Variants in ARHGEF18 observed in about 807,000 individuals in gnomAD.
The protein encoded by ARHGEF18 is Rho/Rac guanine nucleotide exchange factor 18.
A neutral mutation model predicts 155.7 loss-of-function variants in ARHGEF18; 93 were observed. The observed-to-expected ratio is 0.60, with a 90% CI of 0.50 to 0.71. ARHGEF18 has a LOEUF of 0.71. ARHGEF18 is among the 30% of genes least tolerant of loss of function. The probability of loss-of-function intolerance (pLI) is 0.00; values close to 1 mark genes in which losing one functional copy is unlikely to be tolerated. For synonymous variants in ARHGEF18, 742 were observed against 753.1 expected, an observed-to-expected ratio of 0.99 and a Z score of 0.24; for missense variants, 1,593 against 1,816.1, an observed-to-expected ratio of 0.88 and a Z score of 2.23.
intron 13 of ARHGEF18, among the ~76,000 whole-genome samples, 158 bp downstream of exon 13, chr19:7,442,210 T>C (rs1974703744): frequency 6.6e-6 from 1 of 151,582 alleles, no homozygotes; most frequent in South Asian, 2.1e-4. Context: ...TCCTTCTCTC[T>C]TTTGTCCTCT....
At chr19:7,387,276 C>T (rs1276622606) in intron 10 of ARHGEF18, among the ~76,000 whole-genome samples, 2 of 152,036 alleles carry the variant, frequency 1.3e-5, no homozygotes, top group African/African-American at 4.8e-5. Context: ...CCTCAGCCTT[C>T]CAAGTAGCTG....
intron 10 of ARHGEF18, among the ~76,000 whole-genome samples, chr19:7,418,928 G>C (rs1973166733): frequency 6.6e-6 from 1 of 151,902 alleles, no homozygotes; most frequent in African/African-American, 2.4e-5. Flanking sequence ...ACCAGGGAAT[G>C]GAAGGGCCTC....
chr19:7,366,222 C>T (rs563433517), intron 2 of ARHGEF18, among the ~76,000 whole-genome samples: 2 of 152,244 alleles, frequency 1.3e-5, no homozygotes, highest in Non-Finnish European at 2.9e-5. Flanking sequence ...GCTGGGATTA[C>T]AGGCGTGAGC....
At chr19:7,378,942 C>T (rs1353168161) in intron 6 of ARHGEF18, among the ~76,000 whole-genome samples, 180 bp from the exon 7 acceptor site, 1 of 152,052 alleles carries the variant, frequency 6.6e-6, no homozygotes, top group East Asian at 1.9e-4. Flanking sequence ...ATCCGCCCAC[C>T]TTGGCCTCCC....
chr19:7,458,088 A>C (rs968763972), intron 18 of ARHGEF18, among the ~76,000 whole-genome samples: 4 of 151,984 alleles, frequency 2.6e-5, no homozygotes, highest in Admixed American at 1.3e-4. Flanking sequence ...GGACTTCAAG[A>C]CCAGCCTGGG....
At chr19:7,363,427 A>AAGGAAGTATG (rs987019435) in intron 2 of ARHGEF18, among the ~76,000 whole-genome samples, 6 of 151,834 alleles carry the variant, frequency 4.0e-5, no homozygotes, top group Non-Finnish European at 7.4e-5. Flanking sequence ...GGAAGGAAAG[A>AAGGAAGTATG]AGGAAGTATG....
At chr19:7,362,032 AAGGAGAAGGAGAAGG>A (rs1969592861) in intron 1 of ARHGEF18, among the ~76,000 whole-genome samples, 1 of 53,958 alleles carries the variant, frequency 1.9e-5, no homozygotes. Context: ...GGAGAAGGAG[AAGGAGAAGGAGAAGG>A]AGAAGGAGAA....
In ARHGEF18 at chr19:7,419,131, A is replaced by C. The variant is rs568881976; in HGVS notation, c.968-21213A>C. ...GCCTCTGTACCCCAGATGTACCCAC[A>C]CTCGGCCTCTGTACCCCAGATGTAC... On this transcript the variant is annotated intron_variant, in intron 10 of 28. Transcript: ENST00000668164. Among the ~76,000 whole-genome samples, 434 of 120,500 alleles carry C rather than the reference A, an allele frequency of 3.6e-3. 38 individuals carry two copies. Among genetic ancestry groups the C allele is most frequent in the African/African-American group, 0.015 (404 of 26,892 alleles). 79.1% of individuals were successfully genotyped at this position (120,500 alleles called of 152,430 possible). A position where few individuals can be genotyped will look rare whatever the true frequency, so the allele number is the denominator to read the frequency against.
intron 10 of ARHGEF18, among the ~76,000 whole-genome samples, chr19:7,387,444 G>A (rs937593531): frequency 6.6e-5 from 10 of 151,996 alleles, no homozygotes; most frequent in Admixed American, 3.3e-4. Context: ...GAGCCACCGC[G>A]CCCAGCGCTG....
chr19:7,402,824 CAGTGTGACAA>C (rs1972087057), intron 10 of ARHGEF18, among the ~76,000 whole-genome samples: 1 of 152,128 alleles, frequency 6.6e-6, no homozygotes, highest in South Asian at 2.1e-4. Flanking sequence ...CTGTACCATC[CAGTGTGACAA>C]AGTGAGAGCC....
intron 1 of ARHGEF18, among the ~76,000 whole-genome samples, chr19:7,360,532 G>C (rs183270462): frequency 2.0e-4 from 30 of 152,202 alleles, no homozygotes; most frequent in African/African-American, 7.2e-4. Context: ...CACTGGGCCC[G>C]GCCAACCCTG....
intron 10 of ARHGEF18, among the ~76,000 whole-genome samples, chr19:7,433,613 G>T (rs1324086127): frequency 6.6e-6 from 1 of 150,864 alleles, no homozygotes; most frequent in Non-Finnish European, 1.5e-5. Context: ...GGTGAGTCCT[G>T]TTCCTGTAAG....
intron 2 of ARHGEF18, among the ~76,000 whole-genome samples, chr19:7,367,998 A>AGAGAGAGG (rs1275056208): frequency 2.6e-4 from 18 of 69,662 alleles, no homozygotes; most frequent in East Asian, 4.0e-4. Context: ...AGAGAGAGAG[A>AGAGAGAGG]GAGGGAGGGA....
rs67634093 is a variant in ARHGEF18, at chr19:7,422,716, C to CTT, written c.968-17609_968-17608dup. On this transcript the variant is annotated intron_variant, in intron 10 of 28. Coordinates refer to ENST00000668164, the MANE Select transcript of ARHGEF18 (RefSeq NM_001367823.1). ...CACAACAAAATGTGTTCTAACTTTT[C>CTT]TTTTTTTTTTTTTTTTTTTTGAGAT... 4.3e-3 allele frequency among the ~76,000 whole-genome samples: 478 copies of CTT among 111,188 alleles called. 7 individuals are homozygous for CTT. The highest frequency in any genetic ancestry group is 5.6e-3 in the Non-Finnish European group (317 of 57,062). 72.9% of individuals were successfully genotyped at this position (111,188 alleles called of 152,430 possible).
chr19:7,394,259 A>C (rs1971553525), intron 10 of ARHGEF18, among the ~76,000 whole-genome samples: 1 of 151,798 alleles, frequency 6.6e-6, no homozygotes, highest in African/African-American at 2.4e-5. Flanking sequence ...TGCTCATTTT[A>C]AAAAATGTTT....
downstream of ARHGEF18, among the ~76,000 whole-genome samples, chr19:7,474,758 T>A (rs867813703): frequency 6.8e-5 from 10 of 147,182 alleles, no homozygotes; most frequent in African/African-American, 2.3e-4. Flanking sequence ...CATTGGAGTG[T>A]GTGTGTGTGT....
At chr19:7,355,564 C>T (rs182648340) in intron 1 of ARHGEF18, 3 of 960,390 alleles carry the variant, frequency 3.1e-6, no homozygotes, top group Admixed American at 6.2e-5. Context: ...TACTGGCAGC[C>T]CCATCCTGGC....
At chr19:7,411,558 C>T (rs1972686991) in intron 10 of ARHGEF18, among the ~76,000 whole-genome samples, 3 of 152,152 alleles carry the variant, frequency 2.0e-5, no homozygotes, top group South Asian at 2.1e-4. Flanking sequence ...CTGCCCACCT[C>T]GGCCTCCCAA....
chr19:7,462,313 C>T lies in ARHGEF18; in HGVS notation c.2614C>T (p.Leu872Phe). ...CGAGACCCTGCAGGGGGAGCTAATTCTCAAGTCGGCCATGAGCGAGAGTAA... is the reference window on the plus strand; with the variant it reads ...CGAGACCCTGCAGGGGGAGCTAATTTTCAAGTCGGCCATGAGCGAGAGTAA... Reference protein sequence around the residue: ...PSETLQGELILKSAMSEIEGI... With the variant: ...PSETLQGELIFKSAMSEIEGI... Residue 872 changes from leucine (L) to phenylalanine (F), a missense_variant, in exon 21 of 29, where the codon CTC (leucine) becomes TTC (phenylalanine). Coordinates refer to ENST00000668164, the MANE Select transcript of ARHGEF18 (RefSeq NM_001367823.1). The surrounding 1 kb of genome is among the most constrained non-coding windows in gnomAD (Gnocchi z 4.4). 6.2e-7 allele frequency: 1 copy of T among 1,602,700 alleles called. No individual in the cohort carries two copies. The highest frequency in any genetic ancestry group is 2.2e-5 in the East Asian group (1 of 44,798).
Sources: gnomAD v4.1 joint callset for allele counts (sites outside exome capture counted in the v4.1 genomes callset) on GRCh38, gnomAD v4.1.1 for gene constraint, Gnocchi (gnomAD v3.1) non-coding constraint, MANE v1.5 for transcripts, NCBI Gene and HGNC (gene_info 2026-07-23, HGNC 2026-07-21) for gene names.